OCRL: variants seen among roughly 807,000 people sequenced by gnomAD.
The protein encoded by OCRL is inositol polyphosphate 5-phosphatase OCRL.
A neutral mutation model predicts 78.9 loss-of-function variants in OCRL; 8 were observed. The observed-to-expected ratio is 0.10, with a 90% CI of 0.06 to 0.18. The LOEUF (loss-of-function observed/expected upper bound fraction) is 0.18, where lower values mean the gene tolerates loss of function less well. Ranked by LOEUF, OCRL falls within the 10% of genes least tolerant of loss-of-function variation. The pLI, the probability that OCRL is intolerant of heterozygous loss-of-function variation, is 1.00. For missense variants in OCRL, 454 were observed against 696.7 expected, an observed-to-expected ratio of 0.65 and a Z score of 3.92; for synonymous variants, 240 against 235.4, an observed-to-expected ratio of 1.02 and a Z score of -0.18.
At chrX:129,574,396 A>G (rs1788881777) in intron 15 of OCRL, among the ~76,000 whole-genome samples, 1 of 112,756 alleles carries the variant, frequency 8.9e-6, no homozygotes, top group East Asian at 2.8e-4. Flanking sequence ...GTGCTGTGTC[A>G]GGTGGAAAAT....
At chrX:129,578,906 G>GTTCTGA (rs3085402) in intron 18 of OCRL, among the ~76,000 whole-genome samples, 23,391 of 109,960 alleles carry the variant, frequency 0.21, 4,452 homozygotes, top group East Asian at 0.75. Flanking sequence ...AGGATTTAGG[G>GTTCTGA]TTCTTTTCAC....
chrX:129,562,061 A>G (rs779278650), intron 10 of OCRL, among the ~76,000 whole-genome samples: 4 of 112,121 alleles, frequency 3.6e-5, no homozygotes, highest in Non-Finnish European at 7.5e-5. Flanking sequence ...GGTGGAAGGA[A>G]CAAGCTGGGA....
chrX:129,563,411 GT>G (rs980823622), intron 12 of OCRL, among the ~76,000 whole-genome samples: 2 of 111,529 alleles, frequency 1.8e-5, no homozygotes, highest in African/African-American at 3.3e-5. Flanking sequence ...ATACTCACTT[GT>G]TTTTTTTCTT....
rs1043899963 is a variant in OCRL, at chrX:129,542,251, A to G, written c.119+1428A>G. Among the ~76,000 whole-genome samples, 14 of 104,372 alleles carry G rather than the reference A, an allele frequency of 1.3e-4. 1 individual carries two copies. The highest frequency in any genetic ancestry group is 1.0e-4 in the Admixed American group (1 of 9,613). 90.6% of individuals were successfully genotyped at this position (104,372 alleles called of 115,157 possible). A position where few individuals can be genotyped will look rare whatever the true frequency, so the allele number is the denominator to read the frequency against. On this transcript the variant is annotated intron_variant, in intron 2 of 23. Transcript: ENST00000371113. ...GCTAATAAGGAAGTCGTGTGTTCCA[A>G]TTCTGTGTAAGTTATGGGGGTATAG...
chrX:129,559,091 G>A (rs149820951), intron 8 of OCRL, 90 bp downstream of exon 8: 25 of 853,094 alleles, frequency 2.9e-5, no homozygotes, highest in Non-Finnish European at 4.2e-5. Context: ...GCCTAATTAA[G>A]AATCAAAATA....
intron 4 of OCRL, among the ~76,000 whole-genome samples, chrX:129,552,304 G>A (rs939900015): frequency 6.3e-5 from 7 of 111,856 alleles, no homozygotes; most frequent in Non-Finnish European, 1.3e-4. Context: ...ATGAATCTCG[G>A]GTTTCTGACA....
At position 129,564,838 on chromosome X, in the gene OCRL, T is replaced by A. The variant is rs767892117; in HGVS notation, c.1245-934T>A. The stretch of plus-strand genomic sequence containing the variant: ...TATACATATGTAACTAACCTGCACA[T>A]TGTGCACATGTACCCTAAAACTTAT... On this transcript the variant is annotated intron_variant, in intron 12 of 23. Transcript: ENST00000371113. 5.4e-5 allele frequency among the ~76,000 whole-genome samples: 6 copies of A among 110,760 alleles called. No individual in the cohort carries two copies. In the East Asian group the frequency reaches 8.5e-4, roughly 16 times the overall value.
Position 129,590,095 on chromosome X carries a change from C to CT in OCRL, c.2582-49dup, listed in dbSNP as rs756779817. The CT allele has an allele frequency of 5.8e-6, 7 of 1,208,871 alleles. No homozygotes were observed. In the East Asian group the frequency reaches 2.1e-4, roughly 36 times the overall value. Reference sequence around the variant, plus strand: ...CAGGCCCTCCAGCCCTGAGGTTTTGCTTAGGTTATGTCTGACAGAAGTTTC... The same window carrying CT: ...CAGGCCCTCCAGCCCTGAGGTTTTGCTTTAGGTTATGTCTGACAGAAGTTTC... On this transcript the variant is annotated intron_variant, in intron 23 of 23. Coordinates refer to ENST00000371113, the MANE Select transcript of OCRL (RefSeq NM_000276.4).
chrX:129,569,850 T>G (rs111433762), intron 15 of OCRL, among the ~76,000 whole-genome samples: 1 of 99,355 alleles, frequency 1.0e-5, no homozygotes, highest in Admixed American at 1.1e-4. Flanking sequence ...CTTTTTTTTT[T>G]TTTTTTTTTT....
intron 4 of OCRL, among the ~76,000 whole-genome samples, chrX:129,552,520 G>T (rs1019591190): frequency 8.9e-6 from 1 of 111,960 alleles, no homozygotes. Context: ...TGCCTCCCGG[G>T]TTGAAGCTAT....
Position 129,589,925 on chromosome X carries a change from T to C in OCRL, c.2550T>C (p.Ser850=), listed in dbSNP as rs1346708381. The part of the protein sequence containing the change: ...MAFLRELLKF[S]EYNSVNANMI... The stretch of plus-strand genomic sequence containing the variant: ...TCCTTCGAGAACTCTTAAAATTCTC[T>C]GAATACAATAGCGTCAATGCCAACA... Residue 850 remains serine (S), a synonymous_variant, in exon 23 of 24, where the codon TCT becomes TCC. Coordinates refer to ENST00000371113, the MANE Select transcript of OCRL (RefSeq NM_000276.4). The C allele has an allele frequency of 8.3e-7, 1 of 1,207,646 alleles. No homozygotes were observed. The highest frequency in any genetic ancestry group is 1.8e-5 in the South Asian group (1 of 56,892).
At position 129,567,307 on chromosome X, in the gene OCRL, A is replaced by G. The variant is rs1307066241; in HGVS notation, c.1410A>G (p.Glu470=). Reference sequence around the variant, plus strand: ...CTTTTGTTGACTTCAATGAAGGGGAAATCAAGTTCATCCCCACTTATAAGT... The same window carrying G: ...CTTTTGTTGACTTCAATGAAGGGGAGATCAAGTTCATCCCCACTTATAAGT... ...KKAFVDFNEG[E]IKFIPTYKYD... The change falls in exon 14 of 24, where the codon GAA becomes GAG. Residue 470 remains glutamate (E), a synonymous_variant. Transcript: ENST00000371113. 8.3e-7 allele frequency: 1 copy of G among 1,209,413 alleles called. No homozygotes were observed. Among genetic ancestry groups the G allele is most frequent in the Non-Finnish European group, 1.1e-6 (1 of 893,245 alleles).
chrX:129,583,865 G>C (rs1238966300), intron 18 of OCRL, among the ~76,000 whole-genome samples: 3 of 111,456 alleles, frequency 2.7e-5, no homozygotes, highest in Non-Finnish European at 3.8e-5. Context: ...GGTACGAGGA[G>C]ATAGAAAGGA....
chrX:129,564,096 T>C (rs1330836268), intron 12 of OCRL, among the ~76,000 whole-genome samples: 2 of 110,585 alleles, frequency 1.8e-5, no homozygotes, highest in African/African-American at 6.5e-5. Flanking sequence ...AAGACATTTA[T>C]GCAGCCAAAA....
intron 18 of OCRL, among the ~76,000 whole-genome samples, chrX:129,578,083 T>C (rs1395395315): frequency 1.8e-5 from 2 of 111,294 alleles, no homozygotes; most frequent in East Asian, 5.9e-4. Context: ...TGCTGTGTCA[T>C]GTAAAATTTA....
chrX:129,544,326 C>T (rs1237192825), intron 2 of OCRL, among the ~76,000 whole-genome samples: 1 of 111,095 alleles, frequency 9.0e-6, no homozygotes, highest in East Asian at 2.8e-4. Flanking sequence ...CCAGCGTAAA[C>T]TTGGAAACCA....
rs147629352 is a variant in OCRL, at chrX:129,590,244, T to A, written c.2680T>A (p.Phe894Ile). 55 of 1,209,589 alleles carry A rather than the reference T, an allele frequency of 4.5e-5. No individual in the cohort carries two copies. The African/African-American group carries it at 9.5e-4, about 21-fold the overall frequency. Residue 894 changes from phenylalanine (F) to isoleucine (I), a missense_variant, in exon 24 of 24, where the codon TTT (phenylalanine) becomes ATT (isoleucine). This residue lies in a region of OCRL where 277 missense variants were observed against 517.1 expected (regional missense o/e 0.54). Transcript: ENST00000371113. ...RQRAIQFLLGFLLGSEED is the reference protein window; with the variant it reads ...RQRAIQFLLGILLGSEED ...GCGTGCTATTCAGTTCCTTCTGGGC[T>A]TTCTGCTTGGGAGCGAAGAAGACTA...
In OCRL at chrX:129,569,413, T is replaced by C; in HGVS notation, c.1602+14T>C. 1 of 1,203,065 alleles carries C rather than the reference T, an allele frequency of 8.3e-7. No individual in the cohort carries two copies. Among genetic ancestry groups the C allele is most frequent in the African/African-American group, 1.7e-5 (1 of 57,588 alleles). On this transcript the variant is annotated intron_variant, in intron 15 of 23. Coordinates refer to ENST00000371113, the MANE Select transcript of OCRL (RefSeq NM_000276.4). ...TTCCATATTGGGGTAAACACTTGTT[T>C]GTACATTCATTTATTTGTGTGTTAA...
intron 18 of OCRL, among the ~76,000 whole-genome samples, chrX:129,583,561 A>G (rs1345915856): frequency 8.9e-6 from 1 of 112,012 alleles, no homozygotes; most frequent in Non-Finnish European, 1.9e-5. Context: ...AAATGACTGT[A>G]TATAAGCACT....
Sources: allele counts gnomAD v4.1 joint callset (sites outside exome capture counted in the v4.1 genomes callset), GRCh38; gene constraint gnomAD v4.1.1; regional missense constraint gnomAD v4.1.1; transcripts MANE v1.5; gene names NCBI Gene and HGNC (gene_info 2026-07-23, HGNC 2026-07-21).